Variants in HACL1 observed in about 807,000 individuals in gnomAD.
The protein encoded by HACL1 is 1600020H07Rik.
In HACL1, 64 loss-of-function variants were observed where a neutral mutation model predicts 74.2. That is an observed-to-expected ratio of 0.86 (90% CI 0.70 to 1.06). The LOEUF (loss-of-function observed/expected upper bound fraction) is 1.06, where lower values mean the gene tolerates loss of function less well. Ranked by LOEUF, HACL1 falls within the 50% of genes least tolerant of loss-of-function variation. The pLI is 0.00. For missense variants in HACL1, 728 were observed against 719.7 expected, an observed-to-expected ratio of 1.01 and a Z score of -0.13; for synonymous variants, 230 against 238.8, an observed-to-expected ratio of 0.96 and a Z score of 0.34.
At chr3:15,577,180 G>T (rs554689226) in intron 9 of HACL1, among the ~76,000 whole-genome samples, 9 of 152,198 alleles carry the variant, frequency 5.9e-5, no homozygotes, top group African/African-American at 1.9e-4. Flanking sequence ...AGATCTAGCA[G>T]CAAACATTAC....
intron 12 of HACL1, 137 bp from the exon 13 acceptor site, chr3:15,568,723 G>A: frequency 3.3e-6 from 2 of 601,106 alleles, no homozygotes; most frequent in Admixed American, 6.3e-5. Flanking sequence ...CTATAAAATG[G>A]CCACTCTGAG....
At chr3:15,601,034 A>T in intron 2 of HACL1, 56 bp downstream of exon 2, 1 of 1,037,326 alleles carries the variant, frequency 9.6e-7, no homozygotes, top group Non-Finnish European at 1.5e-6. Context: ...ATGCATACCT[A>T]CCGCTATTAC....
At position 15,568,085 on chromosome 3, in the gene HACL1, A is replaced by T; in HGVS notation, c.1251-83T>A. 2.7e-6 allele frequency: 3 copies of T among 1,123,560 alleles called. No homozygotes were observed. The Admixed American group carries it at 6.3e-5, about 23-fold the overall frequency. 69.6% of individuals were successfully genotyped at this position (1,123,560 alleles called of 1,614,324 possible). A position where few individuals can be genotyped will look rare whatever the true frequency, so the allele number is the denominator to read the frequency against. On this transcript the variant is annotated intron_variant, in intron 13 of 16. Transcript: ENST00000321169. ...TGGCACAAACCTTCTAGTCATATTTACATGGTTGATGGAAAAATGAAGAAC... is the reference window on the plus strand; with the variant it reads ...TGGCACAAACCTTCTAGTCATATTTTCATGGTTGATGGAAAAATGAAGAAC...
intron 3 of HACL1, among the ~76,000 whole-genome samples, chr3:15,593,340 A>G (rs982338016): frequency 6.6e-6 from 1 of 151,830 alleles, no homozygotes; most frequent in Non-Finnish European, 1.5e-5. Context: ...CAGCCTCCCA[A>G]GTAACCGGGA....
intron 16 of HACL1, 24 bp from the exon 17 acceptor site, chr3:15,560,921 T>C: frequency 6.4e-7 from 1 of 1,570,926 alleles, no homozygotes; most frequent in South Asian, 1.1e-5. Context: ...ACAACAAACA[T>C]TCAGTCAAAA....
At chr3:15,568,135 T>C (rs1200042458) in intron 13 of HACL1, 133 bp from the exon 14 acceptor site, 11 of 819,450 alleles carry the variant, frequency 1.3e-5, no homozygotes, top group Admixed American at 1.1e-4. Flanking sequence ...CTTTCTTCAA[T>C]ATAAAATCTT....
intron 7 of HACL1, 137 bp from the exon 8 acceptor site, chr3:15,583,126 A>C: frequency 1.8e-6 from 1 of 545,992 alleles, no homozygotes; most frequent in Non-Finnish European, 3.3e-6. Flanking sequence ...ACAACTTAAT[A>C]TCATTTTACC....
intron 10 of HACL1, among the ~76,000 whole-genome samples, chr3:15,573,653 T>C (rs1477877126): frequency 1.3e-5 from 2 of 152,214 alleles, no homozygotes; most frequent in Non-Finnish European, 2.9e-5. Context: ...CCATAAACTG[T>C]AGGAGTCTAC....
chr3:15,566,008 T>C (rs2063428666), intron 14 of HACL1, among the ~76,000 whole-genome samples: 1 of 152,222 alleles, frequency 6.6e-6, no homozygotes, highest in Admixed American at 6.5e-5. Flanking sequence ...GCATAGGTTA[T>C]TTGCAAATAC....
intron 9 of HACL1, 101 bp downstream of exon 9, chr3:15,579,809 T>C: frequency 3.6e-6 from 3 of 833,892 alleles, no homozygotes; most frequent in Non-Finnish European, 5.7e-6. Context: ...TAAAATTCCA[T>C]GATTCTTTCA....
rs1033433342 is a variant in HACL1, at chr3:15,571,549, T to A, written c.1095+119A>T. ...TCCCTTTTTCCATGAGACCTGGGGT[T>A]TTCACTGCACAATTTTGCACATCAA... On this transcript the variant is annotated intron_variant, in intron 12 of 16. Transcript: ENST00000321169. 4.8e-5 allele frequency: 34 copies of A among 714,974 alleles called. No homozygotes were observed. The African/African-American group carries it at 6.0e-4, about 13-fold the overall frequency. 44.3% of individuals were successfully genotyped at this position (714,974 alleles called of 1,614,324 possible). A position where few individuals can be genotyped will look rare whatever the true frequency, so the allele number is the denominator to read the frequency against.
intron 16 of HACL1, among the ~76,000 whole-genome samples, chr3:15,561,194 GAAGGAGGCCCACAGAGGGCT>G (rs2125218358): frequency 1.3e-5 from 2 of 152,364 alleles, no homozygotes; most frequent in African/African-American, 4.8e-5. Context: ...GAAGGGAGAT[GAAGGAGGCCCACAGAGGGCT>G]GAGCTCCCAG....
intron 2 of HACL1, among the ~76,000 whole-genome samples, chr3:15,597,651 T>C (rs1469974317): frequency 1.3e-5 from 2 of 149,630 alleles, no homozygotes; most frequent in East Asian, 3.9e-4. Flanking sequence ...AAAAAGGAAA[T>C]GTTTATGGAT....
chr3:15,592,652 A>G (rs1214124323), intron 3 of HACL1, among the ~76,000 whole-genome samples: 1 of 56 alleles, frequency 0.018, no homozygotes, highest in Non-Finnish European at 0.033. Context: ...GTGTATACAC[A>G]TGTACGCACA....
intron 6 of HACL1, 79 bp from the exon 7 acceptor site, chr3:15,585,421 G>A: frequency 3.8e-6 from 3 of 795,976 alleles, no homozygotes; most frequent in South Asian, 1.6e-5. Context: ...ATTTAAAACT[G>A]GAAAATGAAC....
chr3:15,562,365 T>C (rs2063358175), intron 16 of HACL1, among the ~76,000 whole-genome samples: 1 of 152,342 alleles, frequency 6.6e-6, no homozygotes, highest in African/African-American at 2.4e-5. Context: ...TTCTTGAGTA[T>C]CTCCTCTCTC....
chr3:15,599,377 C>T (rs1034637844), intron 2 of HACL1, among the ~76,000 whole-genome samples: 1 of 152,234 alleles, frequency 6.6e-6, no homozygotes, highest in African/African-American at 2.4e-5. Flanking sequence ...AGTAATCCTC[C>T]TGCCTCAGCC....
intron 4 of HACL1, among the ~76,000 whole-genome samples, chr3:15,590,162 C>T (rs1188038983): frequency 6.6e-6 from 1 of 152,020 alleles, no homozygotes; most frequent in Non-Finnish European, 1.5e-5. Flanking sequence ...TCCCCTTCCC[C>T]TTTTGGATGC....
At chr3:15,598,022 T>G (rs1295993718) in intron 2 of HACL1, among the ~76,000 whole-genome samples, 4 of 141,096 alleles carry the variant, frequency 2.8e-5, no homozygotes, top group Non-Finnish European at 6.1e-5. Flanking sequence ...TTTTGTTTTG[T>G]TTTTTTTTTT....
Sources: allele counts gnomAD v4.1 joint callset (sites outside exome capture counted in the v4.1 genomes callset), GRCh38; gene constraint gnomAD v4.1.1; transcripts MANE v1.5; gene names NCBI Gene and HGNC (gene_info 2026-07-23, HGNC 2026-07-21).